XPA: variants seen among roughly 807,000 people sequenced by gnomAD.
XPA encodes DNA repair protein complementing XP-A cells.
XPA carries 27 observed loss-of-function variants against 35.7 expected under a neutral mutation model. That is an observed-to-expected ratio of 0.76 (90% CI 0.56 to 1.04). The LOEUF is 1.04. Ranked by LOEUF, XPA falls within the 50% of genes least tolerant of loss-of-function variation. XPA has a pLI of 0.00. For synonymous variants in XPA, 133 were observed against 118.4 expected (o/e 1.12, Z -0.80); for missense variants, 354 against 342.7 (o/e 1.03, Z -0.26).
chr9:97,671,549 A>C (rs1032472577), downstream of XPA: 217 of 165,064 alleles, frequency 1.3e-3, 1 homozygote, highest in Non-Finnish European at 2.3e-4. Flanking sequence ...TGATGGGTTT[A>C]CCCAGCTACC....
chr9:97,670,543 C>A (rs552206642), downstream of XPA, among the ~76,000 whole-genome samples: 8 of 152,180 alleles, frequency 5.3e-5, no homozygotes, highest in Non-Finnish European at 1.0e-4. Context: ...ACTCTAAGTT[C>A]AATTCTTTGA....
chr9:97,660,892 GA>G, the XPA span: 1 of 1,542,450 alleles, frequency 6.5e-7, no homozygotes, highest in Non-Finnish European at 8.7e-7. Context: ...CTGTTCATTA[GA>G]ATAGTCTTGA....
chr9:97,660,860 A>C, the XPA span: 1 of 1,457,506 alleles, frequency 6.9e-7, no homozygotes, highest in Non-Finnish European at 9.1e-7. Context: ...GAATTTAAAA[A>C]AAATTTTTCT....
chr9:97,695,393 G>C (rs1031144043), intron 1 of XPA, among the ~76,000 whole-genome samples: 7 of 152,172 alleles, frequency 4.6e-5, no homozygotes, highest in African/African-American at 1.7e-4. Context: ...TAGACTGAGT[G>C]CCTTTACTTG....
chr9:97,671,405 C>T (rs900087413), downstream of XPA: 4 of 505,062 alleles, frequency 7.9e-6, no homozygotes, highest in African/African-American at 3.9e-5. Context: ...GTGACTATGA[C>T]CATGATATAT....
At chr9:97,696,949 T>G (rs1829062767) in intron 1 of XPA, among the ~76,000 whole-genome samples, 172 bp downstream of exon 1, 1 of 152,138 alleles carries the variant, frequency 6.6e-6, no homozygotes, top group African/African-American at 2.4e-5. Context: ...GACAGGACGC[T>G]TTGACAAGGC....
chr9:97,681,675 T>C (rs1383773882), intron 5 of XPA, among the ~76,000 whole-genome samples: 4 of 152,164 alleles, frequency 2.6e-5, no homozygotes, highest in Non-Finnish European at 5.9e-5. Context: ...TTCTGTACAT[T>C]TGAACCAGCT....
chr9:97,661,465 T>C, the XPA span, among the ~76,000 whole-genome samples: 1 of 152,180 alleles, frequency 6.6e-6, no homozygotes, highest in Non-Finnish European at 1.5e-5. Flanking sequence ...CCAACCAGAA[T>C]CCTAGGAGTT....
At chr9:97,655,091 CATACTT>C in the XPA span, 1 of 554,940 alleles carries the variant, frequency 1.8e-6, no homozygotes, top group Non-Finnish European at 3.0e-6. Flanking sequence ...TAACCAGACT[CATACTT>C]AATGTAACAT....
downstream of XPA, among the ~76,000 whole-genome samples, chr9:97,670,839 TC>T (rs1489693533): frequency 1.3e-5 from 2 of 152,224 alleles, no homozygotes; most frequent in Non-Finnish European, 2.9e-5. Context: ...AATCATGAAT[TC>T]TGTTTACATA....
the XPA span, chr9:97,655,823 T>C: frequency 2.7e-6 from 4 of 1,486,376 alleles, no homozygotes; most frequent in Admixed American, 3.9e-5. Flanking sequence ...TGTTTAAAAC[T>C]GTAACATAAA....
At chr9:97,677,280 G>C (rs925364754) in intron 5 of XPA, among the ~76,000 whole-genome samples, 5 of 152,096 alleles carry the variant, frequency 3.3e-5, no homozygotes, top group African/African-American at 1.2e-4. Context: ...CATTGACTTT[G>C]ACTTTTTCTC....
downstream of XPA, chr9:97,672,080 A>G (rs553855009): frequency 6.6e-6 from 1 of 152,342 alleles, no homozygotes; most frequent in East Asian, 1.9e-4. Context: ...TTTTGTTTAT[A>G]TGGAACCTGA....
chr9:97,678,761 G>T (rs1385762623), intron 5 of XPA, among the ~76,000 whole-genome samples: 1 of 152,038 alleles, frequency 6.6e-6, no homozygotes, highest in South Asian at 2.1e-4. Flanking sequence ...TACCACTGAG[G>T]GCTGATAGAC....
At chr9:97,675,872 T>C in intron 5 of XPA, 2 of 473,650 alleles carry the variant, frequency 4.2e-6, no homozygotes, top group East Asian at 4.0e-5. Flanking sequence ...CAGAACCATA[T>C]TCAGAAGTGA....
Position 97,684,955 on chromosome 9 carries a change from A to AT in XPA, c.640dup (p.Met214AsnfsTer7), listed in dbSNP as rs1405271436. The AT allele has an allele frequency of 1.2e-6, 2 of 1,613,464 alleles. No homozygotes were observed. The highest frequency in any genetic ancestry group is 1.7e-6 in the Non-Finnish European group (2 of 1,179,702). ...TTTTTTATCAAATTTCTTCTGTTTC[A>AT]TTTTTTCTCGGTTTTCCTGTCGGAC... On this transcript the variant is annotated frameshift_variant, in exon 5 of 6. Transcript: ENST00000375128. LOFTEE classifies it high-confidence loss of function.
Position 97,689,575 on chromosome 9 carries a change from A to T in XPA, c.348T>A (p.Tyr116Ter), listed in dbSNP as rs104894134. Reference protein sequence around the residue: ...EECGKEFMDSYLMNHFDLPTC... With the variant: ...EECGKEFMDS ...TTGGCAAATCAAAGTGGTTCATAAG[A>T]TAAGAATCCATAAATTCTTTCCCAC... Residue 116 changes from tyrosine (Y) to a stop codon, truncating the protein, a stop_gained, in exon 3 of 6, where the codon TAT (tyrosine) becomes TAA (stop). Transcript: ENST00000375128. LOFTEE classifies it high-confidence loss of function. 6.2e-7 allele frequency: 1 copy of T among 1,613,262 alleles called. No homozygotes were observed. Among genetic ancestry groups the T allele is most frequent in the South Asian group, 1.1e-5 (1 of 91,048 alleles).
chr9:97,684,243 T>C (rs7045160), intron 5 of XPA, among the ~76,000 whole-genome samples: 17,966 of 152,180 alleles, frequency 0.12, 3,012 homozygotes, highest in African/African-American at 0.37. Flanking sequence ...ATACTGGATG[T>C]ATTGATGGAT....
intron 5 of XPA, among the ~76,000 whole-genome samples, chr9:97,677,874 T>A (rs1828416275): frequency 6.6e-6 from 1 of 151,924 alleles, no homozygotes; most frequent in East Asian, 1.9e-4. Flanking sequence ...GCAGCAACAG[T>A]AATGGGAATT....
Sources: gnomAD v4.1 joint callset for allele counts (sites outside exome capture counted in the v4.1 genomes callset) on GRCh38, gnomAD v4.1.1 for gene constraint, MANE v1.5 for transcripts, NCBI Gene and HGNC (gene_info 2026-07-23, HGNC 2026-07-21) for gene names.